Variants in ANO7 observed in about 807,000 individuals in gnomAD.
ANO7 encodes the protein anoctamin 7.
ANO7 carries 114 observed loss-of-function variants against 115.8 expected under a neutral mutation model. The ratio of observed to expected loss-of-function variants is 0.98; its 90% CI spans 0.85 to 1.15. The LOEUF is 1.15. Ranked by LOEUF, ANO7 falls within the 50% of genes most tolerant of loss-of-function variation. The pLI is 0.00. For missense variants in ANO7, 1,302 were observed against 1,201.2 expected, an observed-to-expected ratio of 1.08 and a Z score of -1.24; for synonymous variants, 550 against 498.2, an observed-to-expected ratio of 1.10 and a Z score of -1.38.
Position 241,207,567 on chromosome 2 carries a change from C to T in ANO7, c.981-7C>T, listed in dbSNP as rs747193341. ...TAGCTCCCACCCCTCCGCTCCATGC[C>T]TTGCAGGCAGGAACTGTGTGGCAGC... On this transcript the variant is annotated splice_polypyrimidine_tract_variant and splice_region_variant and intron_variant, in intron 10 of 24. Coordinates refer to ENST00000674324, the MANE Select transcript of ANO7 (RefSeq NM_001370694.2). 8 of 1,612,958 alleles carry T rather than the reference C, an allele frequency of 5.0e-6. No individual in the cohort carries two copies. The Admixed American group carries it at 6.7e-5, about 13-fold the overall frequency.
Position 241,212,208 on chromosome 2 carries a change from T to C in ANO7, c.1673+3T>C, listed in dbSNP as rs377509098. 1 of 1,610,778 alleles carries C rather than the reference T, an allele frequency of 6.2e-7. No homozygotes were observed. Among genetic ancestry groups the C allele is most frequent in the Non-Finnish European group, 8.5e-7 (1 of 1,176,958 alleles). ...TACATTGCCTTCTTCAAGGGCAGGT[T>C]GGTGGGCACCTCTCCCTCTGGCCAC... On this transcript the variant is annotated splice_donor_region_variant and intron_variant, in intron 16 of 24. Coordinates refer to ENST00000674324, the MANE Select transcript of ANO7 (RefSeq NM_001370694.2).
In ANO7 at chr2:241,188,786, G is replaced by T; in HGVS notation, c.-8+20G>T. On this transcript the variant is annotated intron_variant, in intron 1 of 24. Coordinates refer to ENST00000674324, the MANE Select transcript of ANO7 (RefSeq NM_001370694.2). The surrounding 1 kb of genome is among the most constrained non-coding windows in gnomAD (Gnocchi z 4.3). ...TGCCAGGTGGGGACCCAGCCTAGACGTGTGGGCCACAGGGAGAAGGTGGAG... is the reference window on the plus strand; with the variant it reads ...TGCCAGGTGGGGACCCAGCCTAGACTTGTGGGCCACAGGGAGAAGGTGGAG... 6.2e-7 allele frequency: 1 copy of T among 1,607,500 alleles called. No individual in the cohort carries two copies. The highest frequency in any genetic ancestry group is 8.5e-7 in the Non-Finnish European group (1 of 1,176,280).
chr2:241,236,471 G>A, the ANO7 span: 42 of 794,342 alleles, frequency 5.3e-5, no homozygotes, highest in Non-Finnish European at 7.1e-5. Flanking sequence ...AGCACAGCCC[G>A]TGCGCACACG....
In ANO7 at chr2:241,190,165, C is replaced by T; in HGVS notation, c.102C>T (p.Ala34=). Residue 34 remains alanine (A), a synonymous_variant, in exon 2 of 25, where the codon GCC becomes GCT. Coordinates refer to ENST00000674324, the MANE Select transcript of ANO7 (RefSeq NM_001370694.2). ...GCTCTTACGGGAGCACAGCCCACGC[C>T]TCGGAGGTAACAGCACCCAGGAGAC... ...KRGSYGSTAH[A]SEPGGQQAAA... 3 of 1,560,382 alleles carry T rather than the reference C, an allele frequency of 1.9e-6. No homozygotes were observed. The highest frequency in any genetic ancestry group is 4.8e-5 in the East Asian group (2 of 41,794).
intron 21 of ANO7, among the ~76,000 whole-genome samples, chr2:241,222,231 C>T (rs1315031243): frequency 2.6e-5 from 3 of 116,440 alleles, no homozygotes; most frequent in Non-Finnish European, 3.5e-5. Context: ...GAGACTCTGT[C>T]TCATAAATAA....
intron 19 of ANO7, chr2:241,217,471 C>T: frequency 1.7e-6 from 1 of 576,804 alleles, no homozygotes; most frequent in Non-Finnish European, 3.0e-6. Context: ...GCCAGAAGCA[C>T]GGAGCGCAGG....
At chr2:241,221,570 G>A (rs1300890421) in intron 21 of ANO7, among the ~76,000 whole-genome samples, 5 of 151,570 alleles carry the variant, frequency 3.3e-5, no homozygotes, top group Non-Finnish European at 7.4e-5. Flanking sequence ...TAGAGACAAA[G>A]GTTTCACCAT....
rs368176893 is a variant in ANO7 at position 241,209,871 on chromosome 2, A to T, written c.1359+236A>T. ...CTCCCCGTGGGTGCGGGCATGGGGCATTTTTCAAGCAAGGGGGTTGGTTTC... is the reference window on the plus strand; with the variant it reads ...CTCCCCGTGGGTGCGGGCATGGGGCTTTTTTCAAGCAAGGGGGTTGGTTTC... On this transcript the variant is annotated intron_variant, in intron 13 of 24. Coordinates refer to ENST00000674324, the MANE Select transcript of ANO7 (RefSeq NM_001370694.2). Among the ~76,000 whole-genome samples, 8 of 152,040 alleles carry T rather than the reference A, an allele frequency of 5.3e-5. No homozygotes were observed. The South Asian group carries it at 1.7e-3, about 32-fold the overall frequency.
At chr2:241,213,127 C>T (rs1448750697) in intron 17 of ANO7, among the ~76,000 whole-genome samples, 1 of 151,808 alleles carries the variant, frequency 6.6e-6, no homozygotes, top group Non-Finnish European at 1.5e-5. Flanking sequence ...AGAGGCTGGC[C>T]TCCTCATGGC....
chr2:241,201,143 C>T (rs1481464071), intron 6 of ANO7, among the ~76,000 whole-genome samples, 155 bp from the exon 7 acceptor site: 1 of 152,252 alleles, frequency 6.6e-6, no homozygotes, highest in Non-Finnish European at 1.5e-5. Context: ...GGGGCGAGGG[C>T]TGTGTCCGCA....
intron 15 of ANO7, among the ~76,000 whole-genome samples, chr2:241,211,803 G>A (rs1395891507): frequency 6.6e-6 from 1 of 152,162 alleles, no homozygotes; most frequent in Admixed American, 6.5e-5. Context: ...CGCAGCCTTG[G>A]CACCGAGCCT....
chr2:241,192,025 TG>T (rs926560236), intron 3 of ANO7, among the ~76,000 whole-genome samples: 4 of 152,230 alleles, frequency 2.6e-5, no homozygotes, highest in African/African-American at 9.6e-5. Flanking sequence ...ATTCGTCTGC[TG>T]GGACTGTCAT....
chr2:241,200,014 G>A, intron 5 of ANO7, 75 bp from the exon 6 acceptor site: 2 of 1,566,028 alleles, frequency 1.3e-6, no homozygotes, highest in Non-Finnish European at 1.7e-6. Context: ...TTGCAAACTT[G>A]CACAACCTCC....
downstream of ANO7, chr2:241,230,370 G>A (rs1044460913): frequency 1.0e-4 from 82 of 793,904 alleles, no homozygotes; most frequent in Non-Finnish European, 1.4e-4. The surrounding 1 kb of genome is among the most constrained non-coding windows in gnomAD (Gnocchi z 5.0). Context: ...GTTAGCAAAC[G>A]TTTTAAAATC....
Position 241,213,206 on chromosome 2 carries a change from C to CA in ANO7, c.1728+580_1728+581insA, listed in dbSNP as rs142516980. Among the ~76,000 whole-genome samples the CA allele has an allele frequency of 1.5e-3, 194 of 128,068 alleles. 5 individuals are homozygous for CA. The highest frequency in any genetic ancestry group is 8.3e-3 in the African/African-American group (179 of 21,536). 84.0% of individuals were successfully genotyped at this position (128,068 alleles called of 152,430 possible). A position where few individuals can be genotyped will look rare whatever the true frequency, so the allele number is the denominator to read the frequency against. On this transcript the variant is annotated intron_variant, in intron 17 of 24. Transcript: ENST00000674324. The stretch of plus-strand genomic sequence containing the variant: ...CAGGGGCTGGCCTCCTCATGGCACA[C>CA]GGCCCGCAGGGGCTGGCCTCCTCAT...
rs1279680211 is a variant in ANO7 at position 241,225,547 on chromosome 2, A to G, written c.*1394A>G. 1.3e-5 allele frequency among the ~76,000 whole-genome samples: 2 copies of G among 152,226 alleles called. No individual in the cohort carries two copies. The highest frequency in any genetic ancestry group is 4.8e-5 in the African/African-American group (2 of 41,546). ...CTCGGGAACACACACACACAAAAAG[A>G]ATATGTGGTTTTAATGTGCTTTGAT... On this transcript the variant is annotated 3_prime_UTR_variant, in exon 25 of 25. Transcript: ENST00000674324.
At chr2:241,209,203 C>T (rs1273989049) in intron 11 of ANO7, 82 bp from the exon 12 acceptor site, 1 of 1,443,950 alleles carries the variant, frequency 6.9e-7, no homozygotes. Flanking sequence ...TGCACACTCC[C>T]ATTCCAGGAG....
chr2:241,217,824 G>A lies in ANO7; in HGVS notation c.2111G>A (p.Arg704His), dbSNP rs145044702. The change falls in exon 20 of 25, where the codon CGC becomes CAC. Residue 704 changes from arginine (R) to histidine (H), a missense_variant. By Grantham distance (29) the Arg-to-His change is conservative (BLOSUM62 0). Coordinates refer to ENST00000674324, the MANE Select transcript of ANO7 (RefSeq NM_001370694.2). ...GAGTACCGGCGCCCGGTGGCCGAGC[G>A]CGCCCAGGACATCGGCATCTGGTTC... The part of the protein sequence containing the change: ...VCEYRRPVAE[R>H]AQDIGIWFHI... 7 of 1,609,548 alleles carry A rather than the reference G, an allele frequency of 4.3e-6. No individual in the cohort carries two copies. Among genetic ancestry groups the A allele is most frequent in the Admixed American group, 1.7e-5 (1 of 59,748 alleles).
At chr2:241,238,490 A>C in the ANO7 span, 1 of 525,490 alleles carries the variant, frequency 1.9e-6, no homozygotes, top group Non-Finnish European at 3.2e-6. This position sits in a 1 kb window ranked among gnomAD's most constrained non-coding sequence, Gnocchi z 4.9. Context: ...CATCTTTTAA[A>C]GGCCAGGGAG....
Sources: allele counts gnomAD v4.1 joint callset (sites outside exome capture counted in the v4.1 genomes callset), GRCh38; gene constraint gnomAD v4.1.1; non-coding constraint Gnocchi (gnomAD v3.1); transcripts MANE v1.5; gene names NCBI Gene and HGNC (gene_info 2026-07-23, HGNC 2026-07-21).